CPEB3: variants seen among roughly 807,000 people sequenced by gnomAD.
The protein encoded by CPEB3 is cytoplasmic polyadenylation element-binding protein 3.
Under a neutral mutation model 67.2 loss-of-function variants are expected in CPEB3, and 20 were observed. That is an observed-to-expected ratio of 0.30 (90% CI 0.21 to 0.43). CPEB3 has a LOEUF of 0.43. Ranked by LOEUF, CPEB3 falls within the 20% of genes least tolerant of loss-of-function variation. The pLI, the probability that CPEB3 is intolerant of heterozygous loss-of-function variation, is 1.00. For synonymous variants in CPEB3, 376 were observed against 393.1 expected (o/e 0.96, Z 0.51); for missense variants, 746 against 968.6 (o/e 0.77, Z 3.05).
intron 8 of CPEB3, among the ~76,000 whole-genome samples, chr10:92,090,514 C>T (rs1274352037): frequency 6.6e-6 from 1 of 152,202 alleles, no homozygotes; most frequent in African/African-American, 2.4e-5. Flanking sequence ...TGCACTCCAG[C>T]CTGGGCAACA....
rs369828199 is a variant in CPEB3 at position 92,180,912 on chromosome 10, T to C, written c.1222+51A>G. 4.5e-4 allele frequency: 417 copies of C among 922,778 alleles called. 1 individual carries two copies. The African/African-American group carries it at 6.3e-3, about 14-fold the overall frequency. 57.2% of individuals were successfully genotyped at this position (922,778 alleles called of 1,614,324 possible). Reference sequence around the variant, plus strand: ...AACAATCAAGAATGTAGAAACTACATGCTGCAAACTTGACTGCTAATTTAA... The same window carrying C: ...AACAATCAAGAATGTAGAAACTACACGCTGCAAACTTGACTGCTAATTTAA... On this transcript the variant is annotated intron_variant, in intron 4 of 9. Coordinates refer to ENST00000265997, the MANE Select transcript of CPEB3 (RefSeq NM_014912.5).
At chr10:92,281,564 T>C (rs1842296694) in intron 1 of CPEB3, among the ~76,000 whole-genome samples, 1 of 152,152 alleles carries the variant, frequency 6.6e-6, no homozygotes, top group Non-Finnish European at 1.5e-5. Flanking sequence ...CTCTTTCAGG[T>C]AAAAATAGTG....
intron 9 of CPEB3, among the ~76,000 whole-genome samples, chr10:92,073,038 CTTTTT>C (rs546510647): frequency 1.6e-4 from 10 of 61,234 alleles, no homozygotes; most frequent in African/African-American, 2.2e-4. Context: ...GAATCTCTGT[CTTTTT>C]TTTTTTTTTT....
chr10:92,053,133 T>C (rs1455233372), intron 9 of CPEB3, among the ~76,000 whole-genome samples: 1 of 152,174 alleles, frequency 6.6e-6, no homozygotes, highest in Non-Finnish European at 1.5e-5. Context: ...ACTATAATAA[T>C]TGGGGCTTTT....
intron 1 of CPEB3, among the ~76,000 whole-genome samples, chr10:92,271,083 C>T (rs1021057012): frequency 1.3e-5 from 2 of 151,908 alleles, no homozygotes; most frequent in South Asian, 2.1e-4. Context: ...CTCAGGAGGC[C>T]GAGGCAGGAG....
intron 2 of CPEB3, among the ~76,000 whole-genome samples, chr10:92,204,954 C>T (rs1365194892): frequency 1.3e-5 from 2 of 151,152 alleles, no homozygotes; most frequent in African/African-American, 2.4e-5. Context: ...AATTCTTTGC[C>T]TCAGCCTCCC....
At chr10:92,268,349 T>C (rs1853152705) in intron 1 of CPEB3, among the ~76,000 whole-genome samples, 1 of 152,162 alleles carries the variant, frequency 6.6e-6, no homozygotes, top group Non-Finnish European at 1.5e-5. Context: ...TCCTCTAGTC[T>C]GGGTGATGTG....
intron 6 of CPEB3, among the ~76,000 whole-genome samples, chr10:92,121,283 C>G (rs1438686131): frequency 1.3e-5 from 2 of 151,142 alleles, no homozygotes; most frequent in Non-Finnish European, 2.9e-5. Flanking sequence ...GCTGGGATTA[C>G]AGGCGTGAGC....
chr10:92,074,493 C>G (rs1842867320), intron 9 of CPEB3, among the ~76,000 whole-genome samples: 1 of 152,160 alleles, frequency 6.6e-6, no homozygotes, highest in South Asian at 2.1e-4. Flanking sequence ...TGACAACAAT[C>G]TATTGGGGAC....
chr10:92,067,584 C>T lies in CPEB3; in HGVS notation c.1869+13736G>A, dbSNP rs560616949. On this transcript the variant is annotated intron_variant, in intron 9 of 9. Transcript: ENST00000265997. ...CTGTAATCCCTGCACTTTGGGAGGCCGAGGCAGGCGGATCACCTGAGGTCA... is the reference window on the plus strand; with the variant it reads ...CTGTAATCCCTGCACTTTGGGAGGCTGAGGCAGGCGGATCACCTGAGGTCA... Among the ~76,000 whole-genome samples, 7 of 152,018 alleles carry T rather than the reference C, an allele frequency of 4.6e-5. No individual in the cohort carries two copies. In the East Asian group the frequency reaches 9.7e-4, roughly 21 times the overall value.
intron 4 of CPEB3, among the ~76,000 whole-genome samples, chr10:92,147,446 G>T (rs1590239168): frequency 6.6e-6 from 1 of 151,490 alleles, no homozygotes; most frequent in African/African-American, 2.4e-5. Context: ...ACAGAGTGAG[G>T]CCCTGTCTCA....
chr10:92,289,755 A>ATATATG (rs1398516438), intron 1 of CPEB3, among the ~76,000 whole-genome samples: 2 of 130,846 alleles, frequency 1.5e-5, no homozygotes, highest in Non-Finnish European at 3.2e-5. Context: ...ATATATATAT[A>ATATATG]TATGTATTAT....
intron 2 of CPEB3, among the ~76,000 whole-genome samples, chr10:92,223,979 T>C (rs1590437604): frequency 6.6e-6 from 1 of 152,084 alleles, no homozygotes; most frequent in Admixed American, 6.6e-5. Flanking sequence ...TTTGGCCAGG[T>C]TGGTCTCCAA....
At chr10:92,167,365 T>C (rs1847793984) in intron 4 of CPEB3, among the ~76,000 whole-genome samples, 2 of 152,224 alleles carry the variant, frequency 1.3e-5, no homozygotes, top group Non-Finnish European at 1.5e-5. Context: ...TTCATTAAGC[T>C]TAATCATTTC....
chr10:92,263,224 C>T (rs1362146543), intron 1 of CPEB3, among the ~76,000 whole-genome samples: 2 of 152,168 alleles, frequency 1.3e-5, no homozygotes, highest in Non-Finnish European at 2.9e-5. Context: ...TACAGGCATG[C>T]ACCACCACAC....
intron 9 of CPEB3, among the ~76,000 whole-genome samples, chr10:92,054,028 G>A (rs1842021210): frequency 6.6e-6 from 1 of 152,200 alleles, no homozygotes; most frequent in Non-Finnish European, 1.5e-5. Flanking sequence ...TTTTTCTAAT[G>A]ACTGACAATG....
Position 92,102,954 on chromosome 10 carries a change from TTG to T in CPEB3, c.1572+8120_1572+8121del, listed in dbSNP as rs1844264011. Among the ~76,000 whole-genome samples the T allele has an allele frequency of 3.3e-5, 5 of 152,310 alleles. No individual in the cohort carries two copies. The South Asian group carries it at 1.0e-3, about 32-fold the overall frequency. On this transcript the variant is annotated intron_variant, in intron 7 of 9. Coordinates refer to ENST00000265997, the MANE Select transcript of CPEB3 (RefSeq NM_014912.5). ...ATCCTCTAAGGCTGAAACCATATATTTGTGTGGATCCCAACTGCCCAGCACAG... is the reference window on the plus strand; with the variant it reads ...ATCCTCTAAGGCTGAAACCATATATTTGTGGATCCCAACTGCCCAGCACAG...
At chr10:92,255,474 A>C (rs1032253103) in intron 1 of CPEB3, among the ~76,000 whole-genome samples, 1 of 152,216 alleles carries the variant, frequency 6.6e-6, no homozygotes, top group African/African-American at 2.4e-5. Flanking sequence ...ACTTCTGATA[A>C]GAATTTAAGA....
At position 92,216,634 on chromosome 10, in the gene CPEB3, A is replaced by C. The variant is rs1850415107; in HGVS notation, c.1005+22712T>G. 10 of 1,608,486 alleles carry C rather than the reference A, an allele frequency of 6.2e-6. No homozygotes were observed. The East Asian group carries it at 2.2e-4, about 36-fold the overall frequency. ...ATCTCCCAGTTAGGTGTGAGGACCG[A>C]AATCTGCCCTATGTCTATATCCCCT... On this transcript the variant is annotated intron_variant, in intron 2 of 9. Transcript: ENST00000265997.
Sources: allele counts gnomAD v4.1 joint callset (sites outside exome capture counted in the v4.1 genomes callset), GRCh38; gene constraint gnomAD v4.1.1; transcripts MANE v1.5; gene names NCBI Gene and HGNC (gene_info 2026-07-23, HGNC 2026-07-21).